The following TSHZ2 variants were observed in gnomAD, a reference collection of about 807,000 sequenced individuals.
TSHZ2 encodes the protein teashirt homolog 2.
Under a neutral mutation model 74.4 loss-of-function variants are expected in TSHZ2, and 21 were observed. The observed-to-expected ratio is 0.28, with a 90% CI of 0.20 to 0.41. The LOEUF (loss-of-function observed/expected upper bound fraction) is 0.41, where lower values mean the gene tolerates loss of function less well. Among genes scored for constraint, TSHZ2 ranks in the 10% least tolerant of loss-of-function variants. TSHZ2 has a pLI of 1.00. For synonymous variants in TSHZ2, 540 were observed against 515.3 expected (o/e 1.05, Z -0.65); for missense variants, 1,244 against 1,293.5 (o/e 0.96, Z 0.59).
At chr20:53,242,521 T>C (rs968863250) in intron 1 of TSHZ2, among the ~76,000 whole-genome samples, 2 of 152,096 alleles carry the variant, frequency 1.3e-5, no homozygotes, top group South Asian at 2.1e-4. Context: ...ATAAGCCAAG[T>C]TGTAGGGTTT....
chr20:53,395,757 CTAAT>C (rs1437293101), intron 2 of TSHZ2, among the ~76,000 whole-genome samples: 1 of 152,062 alleles, frequency 6.6e-6, no homozygotes, highest in Non-Finnish European at 1.5e-5. Flanking sequence ...GTGCCATTGA[CTAAT>C]TATTGTCCTG....
chr20:53,058,188 C>T (rs1182263568), intron 1 of TSHZ2, among the ~76,000 whole-genome samples: 4 of 152,122 alleles, frequency 2.6e-5, no homozygotes, highest in Non-Finnish European at 5.9e-5. Flanking sequence ...ACTCTCTGGC[C>T]CACCGCTCAC....
At chr20:53,424,167 G>T (rs1456304486) in intron 2 of TSHZ2, among the ~76,000 whole-genome samples, 1 of 152,196 alleles carries the variant, frequency 6.6e-6, no homozygotes, top group East Asian at 1.9e-4. Flanking sequence ...CTGTCCTGTA[G>T]GATATTTGTA....
At chr20:53,048,455 C>G (rs1984309155) in intron 1 of TSHZ2, among the ~76,000 whole-genome samples, 1 of 152,228 alleles carries the variant, frequency 6.6e-6, no homozygotes, top group Admixed American at 6.5e-5. Flanking sequence ...CTTTCCATCT[C>G]CCCTTCGCTT....
At chr20:53,340,669 A>G (rs539674445) in intron 2 of TSHZ2, among the ~76,000 whole-genome samples, 1 of 152,332 alleles carries the variant, frequency 6.6e-6, no homozygotes, top group African/African-American at 2.4e-5. Flanking sequence ...AGTTTCACTT[A>G]GATTCTGTCT....
At chr20:53,020,771 A>G (rs768709241) in intron 1 of TSHZ2, among the ~76,000 whole-genome samples, 17 of 152,200 alleles carry the variant, frequency 1.1e-4, no homozygotes, top group Non-Finnish European at 2.2e-4. Flanking sequence ...TTCTGGATAA[A>G]GAATCTGATA....
At chr20:53,122,417 A>G (rs1231262065) in intron 1 of TSHZ2, among the ~76,000 whole-genome samples, 1 of 152,092 alleles carries the variant, frequency 6.6e-6, no homozygotes, top group Non-Finnish European at 1.5e-5. Flanking sequence ...GGACAAAAAA[A>G]CGAAAGATCT....
At chr20:53,401,984 C>T (rs1405626154) in intron 2 of TSHZ2, among the ~76,000 whole-genome samples, 21 of 151,918 alleles carry the variant, frequency 1.4e-4, no homozygotes, top group African/African-American at 4.6e-4. Context: ...GGGGTTTCAT[C>T]GTGTTAACCA....
Position 53,074,724 on chromosome 20 carries a change from A to T in TSHZ2, c.40+101391A>T, listed in dbSNP as rs1219687711. Among the ~76,000 whole-genome samples, 5 of 152,210 alleles carry T rather than the reference A, an allele frequency of 3.3e-5. No individual in the cohort carries two copies. The highest frequency in any genetic ancestry group is 7.3e-5 in the Non-Finnish European group (5 of 68,032). The stretch of plus-strand genomic sequence containing the variant: ...AGATACTAATTATAGTCTGAATTTT[A>T]AAGAAAAATTCAGGCACATCTACTC... On this transcript the variant is annotated intron_variant, in intron 1 of 2. Coordinates refer to ENST00000371497, the MANE Select transcript of TSHZ2 (RefSeq NM_173485.6). The surrounding 1 kb of genome is among the most constrained non-coding windows in gnomAD (Gnocchi z 5.9).
At chr20:53,394,039 TAAG>T (rs1478165904) in intron 2 of TSHZ2, among the ~76,000 whole-genome samples, 2 of 152,186 alleles carry the variant, frequency 1.3e-5, no homozygotes, top group South Asian at 4.2e-4. Flanking sequence ...AATCAGAAAA[TAAG>T]AAGAAAAAGA....
chr20:53,486,354 G>C (rs560520154), intron 2 of TSHZ2, among the ~76,000 whole-genome samples: 1 of 152,056 alleles, frequency 6.6e-6, no homozygotes, highest in Non-Finnish European at 1.5e-5. Flanking sequence ...CTATGAACAC[G>C]GGTGTTCAAA....
chr20:53,462,389 G>T (rs1356629125), intron 2 of TSHZ2, among the ~76,000 whole-genome samples: 1 of 152,212 alleles, frequency 6.6e-6, no homozygotes, highest in Non-Finnish European at 1.5e-5. Context: ...ATTCAGAGGT[G>T]CTGGGGCTTA....
At chr20:53,021,460 C>T (rs1481909723) in intron 1 of TSHZ2, among the ~76,000 whole-genome samples, 2 of 152,176 alleles carry the variant, frequency 1.3e-5, no homozygotes, top group African/African-American at 4.8e-5. Flanking sequence ...GATGCTGAAT[C>T]AAATTGGGTT....
intron 2 of TSHZ2, among the ~76,000 whole-genome samples, chr20:53,257,370 TG>T (rs1990505812): frequency 6.6e-6 from 1 of 152,254 alleles, no homozygotes; most frequent in Non-Finnish European, 1.5e-5. Context: ...AAGAAACAAA[TG>T]GCTTTCTGTA....
Position 53,487,272 on chromosome 20 carries a change from C to CAAAAAAAAAAAAAAAA in TSHZ2, c.*143_*158dup, listed in dbSNP as rs11394425. On this transcript the variant is annotated 3_prime_UTR_variant, in exon 3 of 3. Transcript: ENST00000371497. ...GACACCCTGGCTCTGAGAAGACTGC[C>CAAAAAAAAAAAAAAAA]AAAAAAAAAAAAAAAAAAAAATCAC... is the stretch of plus-strand genomic sequence containing the variant. 1 of 112,092 alleles carries CAAAAAAAAAAAAAAAA rather than the reference C, an allele frequency of 8.9e-6. No homozygotes were observed. Among genetic ancestry groups the CAAAAAAAAAAAAAAAA allele is most frequent in the African/African-American group, 3.3e-5 (1 of 30,082 alleles). The allele number at this position is 112,092 out of a possible 1,614,324, so 6.9% of individuals were successfully genotyped here.
chr20:53,066,470 C>A (rs1032531536), intron 1 of TSHZ2, among the ~76,000 whole-genome samples: 1 of 151,932 alleles, frequency 6.6e-6, no homozygotes, highest in Admixed American at 6.6e-5. Flanking sequence ...CTCCGGCTAT[C>A]GCGTTTTGCT....
intron 2 of TSHZ2, among the ~76,000 whole-genome samples, chr20:53,450,761 A>G (rs1984746054): frequency 6.6e-6 from 1 of 152,086 alleles, no homozygotes; most frequent in Non-Finnish European, 1.5e-5. Flanking sequence ...TGCTCAACCA[A>G]TTCTCCTGCC....
At chr20:53,478,420 C>CCAAA (rs1986046139) in intron 2 of TSHZ2, among the ~76,000 whole-genome samples, 1 of 149,434 alleles carries the variant, frequency 6.7e-6, no homozygotes, top group South Asian at 2.1e-4. Context: ...GAACAAAAAA[C>CCAAA]CAAACACTGC....
intron 2 of TSHZ2, among the ~76,000 whole-genome samples, chr20:53,331,544 C>A (rs1025079242): frequency 2.0e-5 from 3 of 151,974 alleles, no homozygotes; most frequent in Non-Finnish European, 4.4e-5. Flanking sequence ...AGGCAGGAGC[C>A]AGAAGAATGA....
Sources: gnomAD v4.1 joint callset for allele counts (sites outside exome capture counted in the v4.1 genomes callset) on GRCh38, gnomAD v4.1.1 for gene constraint, Gnocchi (gnomAD v3.1) non-coding constraint, MANE v1.5 for transcripts, NCBI Gene and HGNC (gene_info 2026-07-23, HGNC 2026-07-21) for gene names.